SLC13A3: variants seen among roughly 807,000 people sequenced by gnomAD.
The protein encoded by SLC13A3 is Na(+)/dicarboxylate cotransporter 3.
Under a neutral mutation model 59.0 loss-of-function variants are expected in SLC13A3, and 40 were observed. The ratio of observed to expected loss-of-function variants is 0.68; its 90% CI spans 0.53 to 0.88. SLC13A3 has a LOEUF of 0.88. SLC13A3 is among the 40% of genes least tolerant of loss of function. SLC13A3 has a pLI of 0.00. For synonymous variants in SLC13A3, 317 were observed against 330.3 expected (o/e 0.96, Z 0.44); for missense variants, 699 against 783.2 (o/e 0.89, Z 1.28).
chr20:46,611,386 T>G (rs1170005782), intron 2 of SLC13A3, among the ~76,000 whole-genome samples: 1 of 152,162 alleles, frequency 6.6e-6, no homozygotes, highest in African/African-American at 2.4e-5. Context: ...AGTTTCCCCC[T>G]ATCTCCCTAC....
upstream of SLC13A3, among the ~76,000 whole-genome samples, chr20:46,653,483 T>C (rs144081860): frequency 2.8e-3 from 427 of 152,266 alleles, 1 homozygote; most frequent in Non-Finnish European, 4.2e-3. Flanking sequence ...CTAAAAACCA[T>C]GGCTTCAGGC....
rs2062949935 is a variant in SLC13A3, at chr20:46,651,345, G to A, written c.77C>T (p.Ala26Val). The stretch of plus-strand genomic sequence containing the variant: ...GAGGGCGAAGACCACCGGCAGCAGC[G>A]CGAGCGGCGTGAACAGCAGCACCAG... The part of the protein sequence containing the change: ...RLLVLLFTPL[A>V]LLPVVFALPP... Residue 26 changes from alanine to valine, a missense_variant, in exon 1 of 13, where the codon GCG (alanine) becomes GTG (valine). Transcript: ENST00000279027. The A allele has an allele frequency of 1.3e-6, 2 of 1,514,516 alleles. No individual in the cohort carries two copies. The highest frequency in any genetic ancestry group is 5.4e-5 in the East Asian group (2 of 36,982). 93.8% of individuals were successfully genotyped at this position (1,514,516 alleles called of 1,614,324 possible). A position where few individuals can be genotyped will look rare whatever the true frequency, so the allele number is the denominator to read the frequency against.
chr20:46,671,198 G>A (rs2063089218), upstream of SLC13A3, among the ~76,000 whole-genome samples: 1 of 152,116 alleles, frequency 6.6e-6, no homozygotes, highest in Non-Finnish European at 1.5e-5. Flanking sequence ...CCTTCCCAGA[G>A]TGGCTGACAT....
intron 12 of SLC13A3, 143 bp from the exon 13 acceptor site, chr20:46,560,341 T>A: frequency 1.4e-6 from 1 of 712,894 alleles, no homozygotes; most frequent in Admixed American, 2.6e-5. Context: ...CCCAGGTCGG[T>A]AAATGCCTGG....
intron 1 of SLC13A3, among the ~76,000 whole-genome samples, chr20:46,634,015 T>A (rs182647387): frequency 2.0e-5 from 3 of 152,306 alleles, no homozygotes; most frequent in African/African-American, 2.4e-5. Flanking sequence ...AGGGCCCTAG[T>A]CCTGATCTTA....
chr20:46,655,465 G>C (rs2062978995), upstream of SLC13A3, among the ~76,000 whole-genome samples: 1 of 148,420 alleles, frequency 6.7e-6, no homozygotes, highest in Non-Finnish European at 1.5e-5. Flanking sequence ...AGGCCTCAGA[G>C]AGCCAACATG....
intron 5 of SLC13A3, 25 bp from the exon 6 acceptor site, chr20:46,592,554 C>G (rs1390949722): frequency 6.2e-7 from 1 of 1,612,432 alleles, no homozygotes; most frequent in Non-Finnish European, 8.5e-7. Context: ...GAGATGAGAA[C>G]AGGCCAAGGG....
At chr20:46,664,315 C>T (rs1327991495) in intron 1 of SLC13A3, among the ~76,000 whole-genome samples, 1 of 152,150 alleles carries the variant, frequency 6.6e-6, no homozygotes, top group Non-Finnish European at 1.5e-5. Flanking sequence ...CTGAAGCGAC[C>T]CTCCTGAGTT....
At chr20:46,606,419 A>C (rs752405096) in intron 3 of SLC13A3, among the ~76,000 whole-genome samples, 92 of 152,362 alleles carry the variant, frequency 6.0e-4, no homozygotes, top group Non-Finnish European at 9.1e-4. Context: ...ACCACGCTTC[A>C]CTCAACATTA....
intron 10 of SLC13A3, among the ~76,000 whole-genome samples, chr20:46,573,835 C>A (rs1454279983): frequency 6.6e-6 from 1 of 152,190 alleles, no homozygotes; most frequent in East Asian, 1.9e-4. Context: ...ACACAGTTAA[C>A]AGGCGTCCAA....
At chr20:46,560,299 A>C in intron 12 of SLC13A3, 101 bp from the exon 13 acceptor site, 4 of 1,162,762 alleles carry the variant, frequency 3.4e-6, no homozygotes, top group Non-Finnish European at 5.0e-6. Flanking sequence ...CCAAGATCGC[A>C]CAGCCAGGAA....
chr20:46,582,878 C>T (rs1448705267), intron 9 of SLC13A3: 7 of 985,246 alleles, frequency 7.1e-6, no homozygotes, highest in Admixed American at 1.2e-4. Flanking sequence ...CGGAGGGAGT[C>T]GCAAGCTGGC....
chr20:46,635,429 C>A (rs2062785976), intron 1 of SLC13A3, among the ~76,000 whole-genome samples: 2 of 152,192 alleles, frequency 1.3e-5, no homozygotes, highest in Admixed American at 1.3e-4. Context: ...GCCTGGAATG[C>A]TCTTCCTTTA....
chr20:46,607,953 A>G (rs1453724124), intron 3 of SLC13A3, among the ~76,000 whole-genome samples: 1 of 152,242 alleles, frequency 6.6e-6, no homozygotes, highest in East Asian at 1.9e-4. Context: ...CTAAGTGCAC[A>G]GTAAACATTG....
intron 3 of SLC13A3, among the ~76,000 whole-genome samples, chr20:46,601,186 G>T (rs1196676153): frequency 6.6e-6 from 1 of 152,182 alleles, no homozygotes; most frequent in Non-Finnish European, 1.5e-5. Flanking sequence ...ACCCCCTGCA[G>T]GATTTAATGC....
chr20:46,599,731 C>A (rs1271823507), intron 4 of SLC13A3, among the ~76,000 whole-genome samples: 1 of 152,138 alleles, frequency 6.6e-6, no homozygotes, highest in African/African-American at 2.4e-5. Context: ...GATCCTCAAC[C>A]TCACCAGATC....
chr20:46,600,055 G>A lies in SLC13A3; in HGVS notation c.542-18C>T, dbSNP rs749239257. ...CACAGCAGCTAGGAGGAAAGAGCATGATGTCTTTAATGTAATGTAGCGAAT... is the reference window on the plus strand; with the variant it reads ...CACAGCAGCTAGGAGGAAAGAGCATAATGTCTTTAATGTAATGTAGCGAAT... On this transcript the variant is annotated intron_variant, in intron 3 of 12. Transcript: ENST00000279027. 2.6e-6 allele frequency: 4 copies of A among 1,551,804 alleles called. No individual in the cohort carries two copies. In the Admixed American group the frequency reaches 6.9e-5, roughly 27 times the overall value.
At chr20:46,680,928 G>A (rs890532137) in intron 1 of SLC13A3, among the ~76,000 whole-genome samples, 1 of 152,230 alleles carries the variant, frequency 6.6e-6, no homozygotes, top group Admixed American at 6.5e-5. Flanking sequence ...TACAGATGAG[G>A]ACACTGAGGC....
At chr20:46,617,511 C>T (rs2062568986) in intron 1 of SLC13A3, among the ~76,000 whole-genome samples, 1 of 152,156 alleles carries the variant, frequency 6.6e-6, no homozygotes, top group Admixed American at 6.5e-5. Flanking sequence ...ATCACCTTCC[C>T]AGGCTCTTTC....
Sources: gnomAD v4.1 joint callset for allele counts (sites outside exome capture counted in the v4.1 genomes callset) on GRCh38, gnomAD v4.1.1 for gene constraint, MANE v1.5 for transcripts, NCBI Gene and HGNC (gene_info 2026-07-23, HGNC 2026-07-21) for gene names.